The following CBFA2T2 variants were observed in gnomAD, a reference collection of about 807,000 sequenced individuals.
The protein encoded by CBFA2T2 is CBFA2/RUNX1 partner transcriptional co-repressor 2, also known as protein CBFA2T2.
In CBFA2T2, 11 loss-of-function variants were observed where a neutral mutation model predicts 62.2. That is an observed-to-expected ratio of 0.18 (90% CI 0.11 to 0.29). CBFA2T2 has a LOEUF of 0.29. Among genes scored for constraint, CBFA2T2 ranks in the 10% least tolerant of loss-of-function variants. The pLI, the probability that CBFA2T2 is intolerant of heterozygous loss-of-function variation, is 1.00. For missense variants in CBFA2T2, 592 were observed against 774.1 expected (o/e 0.76, Z 2.79); for synonymous variants, 295 against 287.5 (o/e 1.03, Z -0.27).
chr20:33,499,313 A>G (rs2011241651), intron 1 of CBFA2T2, among the ~76,000 whole-genome samples: 1 of 152,194 alleles, frequency 6.6e-6, no homozygotes, highest in African/African-American at 2.4e-5. Context: ...ATCTCATAGA[A>G]AGTGACCATT....
At chr20:33,530,266 C>T (rs1488420644) in intron 1 of CBFA2T2, among the ~76,000 whole-genome samples, 1 of 152,082 alleles carries the variant, frequency 6.6e-6, no homozygotes, top group Non-Finnish European at 1.5e-5. Context: ...TCTGAATCTC[C>T]TTAAGGCTGG....
chr20:33,585,512 T>C (rs2014325477), intron 1 of CBFA2T2, among the ~76,000 whole-genome samples: 1 of 152,216 alleles, frequency 6.6e-6, no homozygotes, highest in Non-Finnish European at 1.5e-5. Context: ...ACAGTTCACA[T>C]TGACATGCTG....
chr20:33,490,408 T>G, intron 1 of CBFA2T2, 107 bp downstream of exon 1: 1 of 1,085,276 alleles, frequency 9.2e-7, no homozygotes, highest in South Asian at 4.6e-5. Flanking sequence ...GAGTGGAAAC[T>G]GAGGCCCGAA....
intron 1 of CBFA2T2, among the ~76,000 whole-genome samples, chr20:33,516,424 C>T (rs376817772): frequency 5.3e-5 from 8 of 152,186 alleles, no homozygotes; most frequent in African/African-American, 7.2e-5. Context: ...GAGCTGAGAG[C>T]GTGCCACTGC....
intron 1 of CBFA2T2, among the ~76,000 whole-genome samples, chr20:33,545,474 G>A (rs6141972): frequency 4.4e-5 from 4 of 89,976 alleles, no homozygotes; most frequent in African/African-American, 1.1e-4. Flanking sequence ...TCTTTCTTTC[G>A]TTCGTTTGTT....
intron 1 of CBFA2T2, among the ~76,000 whole-genome samples, chr20:33,567,310 G>C (rs978825213): frequency 7.2e-5 from 11 of 152,182 alleles, no homozygotes; most frequent in Non-Finnish European, 2.9e-5. Context: ...TAGATGCCTG[G>C]CAAGGTGGGA....
At chr20:33,567,554 CT>C (rs1350890481) in intron 1 of CBFA2T2, among the ~76,000 whole-genome samples, 10 of 151,004 alleles carry the variant, frequency 6.6e-5, no homozygotes, top group Non-Finnish European at 1.0e-4. Flanking sequence ...TAATCTCTTA[CT>C]GTGCCTACTT....
At chr20:33,584,396 G>T (rs1360767324) in intron 1 of CBFA2T2, among the ~76,000 whole-genome samples, 1 of 151,690 alleles carries the variant, frequency 6.6e-6, no homozygotes, top group African/African-American at 2.4e-5. Context: ...CTCCCAAGTA[G>T]GTGGGACTAC....
intron 1 of CBFA2T2, among the ~76,000 whole-genome samples, chr20:33,559,952 G>A (rs1017907410): frequency 6.6e-6 from 1 of 152,156 alleles, no homozygotes; most frequent in Non-Finnish European, 1.5e-5. Context: ...TATACCTGGA[G>A]TTGACTATTT....
intron 5 of CBFA2T2, among the ~76,000 whole-genome samples, 190 bp downstream of exon 5, chr20:33,623,486 G>A (rs2016076923): frequency 6.6e-6 from 1 of 152,210 alleles, no homozygotes; most frequent in African/African-American, 2.4e-5. Flanking sequence ...TCCATCTCCT[G>A]GGCTCAAGCG....
At chr20:33,572,119 C>T (rs1025730791) in intron 1 of CBFA2T2, among the ~76,000 whole-genome samples, 1 of 152,346 alleles carries the variant, frequency 6.6e-6, no homozygotes, top group Non-Finnish European at 1.5e-5. Context: ...TCTTGAACTC[C>T]TGACTTCAGG....
intron 1 of CBFA2T2, among the ~76,000 whole-genome samples, chr20:33,557,267 C>T (rs1157997422): frequency 6.6e-6 from 1 of 152,026 alleles, no homozygotes. Context: ...CCTGCCTTGG[C>T]CTCCCAAAGT....
rs116544803 is a variant in CBFA2T2 at position 33,533,076 on chromosome 20, C to G, written c.34+42775C>G. On this transcript the variant is annotated intron_variant, in intron 1 of 10. Transcript: ENST00000342704. ...CTGCATTTTCTTCTTAAACTTTTAT[C>G]ACTTTTCCCCCCTTACATATACTTT... Among the ~76,000 whole-genome samples the G allele has an allele frequency of 7.2e-3, 1,093 of 152,236 alleles. 17 individuals are homozygous for G. Among genetic ancestry groups the G allele is most frequent in the African/African-American group, 0.026 (1,059 of 41,522 alleles).
At chr20:33,517,838 G>A (rs996197646) in intron 1 of CBFA2T2, among the ~76,000 whole-genome samples, 6 of 151,904 alleles carry the variant, frequency 3.9e-5, no homozygotes, top group Non-Finnish European at 7.4e-5. Context: ...TAGAGATGGA[G>A]TTTCACTGTG....
chr20:33,607,174 T>C, intron 2 of CBFA2T2, 75 bp downstream of exon 2: 1 of 1,366,718 alleles, frequency 7.3e-7, no homozygotes, highest in South Asian at 1.4e-5. Flanking sequence ...GTATGAAGCG[T>C]TCCACATATA....
chr20:33,524,895 C>A (rs559034261), intron 1 of CBFA2T2, among the ~76,000 whole-genome samples: 34 of 152,242 alleles, frequency 2.2e-4, no homozygotes, highest in African/African-American at 6.7e-4. Flanking sequence ...AGTACAGTGG[C>A]ACGATCTCAG....
At position 33,607,164 on chromosome 20, in the gene CBFA2T2, G is replaced by C. The variant is rs41290868; in HGVS notation, c.178+65G>C. On this transcript the variant is annotated intron_variant, in intron 2 of 10. Coordinates refer to ENST00000342704, the MANE Select transcript of CBFA2T2 (RefSeq NM_001032999.3). ...ACATTTGGATCTAAGTGACTGACTT[G>C]TATGAAGCGTTCCACATATATTATT... 13,615 of 1,471,352 alleles carry C rather than the reference G, an allele frequency of 9.3e-3. 71 individuals are homozygous for C. The highest frequency in any genetic ancestry group is 0.012 in the Non-Finnish European group (12,304 of 1,065,482). 91.1% of individuals were successfully genotyped at this position (1,471,352 alleles called of 1,614,324 possible).
At chr20:33,539,345 A>T (rs2012348520) in intron 1 of CBFA2T2, among the ~76,000 whole-genome samples, 1 of 152,222 alleles carries the variant, frequency 6.6e-6, no homozygotes, top group Non-Finnish European at 1.5e-5. Context: ...GCACCAAGTG[A>T]AGGAATGAAT....
intron 1 of CBFA2T2, among the ~76,000 whole-genome samples, chr20:33,603,102 G>A (rs545960037): frequency 6.6e-6 from 1 of 152,236 alleles, no homozygotes; most frequent in East Asian, 1.9e-4. Flanking sequence ...TGGACTTTGG[G>A]TGACTGTAGG....
Sources: gnomAD v4.1 joint callset for allele counts (sites outside exome capture counted in the v4.1 genomes callset) on GRCh38, gnomAD v4.1.1 for gene constraint, MANE v1.5 for transcripts, NCBI Gene and HGNC (gene_info 2026-07-23, HGNC 2026-07-21) for gene names.